Variants in NFKBIL1 observed in about 807,000 individuals in gnomAD.
NFKBIL1 encodes NFKB inhibitor like 1.
NFKBIL1 carries 30 observed loss-of-function variants against 45.4 expected under a neutral mutation model. The observed-to-expected ratio is 0.66, with a 90% confidence interval of 0.49 to 0.90. The LOEUF (loss-of-function observed/expected upper bound fraction) is 0.90. Among genes scored for constraint, NFKBIL1 ranks in the 40% least tolerant of loss-of-function variants. The pLI is 0.00. For synonymous variants in NFKBIL1, 179 were observed against 197.3 expected (o/e 0.91, Z 0.78); for missense variants, 434 against 513.4 (o/e 0.85, Z 1.49).
At chr6:31,554,793 A>AGT (rs1483009703) in intron 2 of NFKBIL1, among the ~76,000 whole-genome samples, 6 of 152,246 alleles carry the variant, frequency 3.9e-5, no homozygotes, top group African/African-American at 1.4e-4. Flanking sequence ...AAAGACTGTA[A>AGT]GATACTCATG....
upstream of NFKBIL1, chr6:31,546,896 G>C (rs201697905): frequency 1.2e-5 from 4 of 332,364 alleles, no homozygotes; most frequent in East Asian, 1.5e-4. The surrounding 1 kb of genome is among the most constrained non-coding windows in gnomAD (Gnocchi z 4.1). Context: ...CGGAGACGGG[G>C]GAGTACTGAG....
chr6:31,547,538 TCA>T (rs1769118575), upstream of NFKBIL1: 1 of 496,896 alleles, frequency 2.0e-6, no homozygotes, highest in Non-Finnish European at 3.5e-6. Flanking sequence ...GTAACGCCCC[TCA>T]CAGTTCACTT....
rs1467797530 is a variant in NFKBIL1 at position 31,547,737 on chromosome 6, A to G, written c.43A>G (p.Thr15Ala). The change falls in exon 1 of 4, where the codon ACA (threonine) becomes GCA (alanine). Residue 15 changes from threonine (T) to alanine (A), a missense_variant. Transcript: ENST00000376148. ...CCAGGTTCCAGAGGAAGAAGCCTCC[A>G]CATCTGTCTGCCGGGTACATGATAT... The part of the protein sequence containing the change: ...SPQVPEEEAS[T>A]SVCRPKSSMA... The G allele has an allele frequency of 1.9e-6, 3 of 1,611,852 alleles. No homozygotes were observed. The highest frequency in any genetic ancestry group is 1.1e-5 in the South Asian group (1 of 91,010).
chr6:31,549,907 T>C (rs1214517223), intron 2 of NFKBIL1, among the ~76,000 whole-genome samples: 7 of 152,020 alleles, frequency 4.6e-5, no homozygotes, highest in Admixed American at 3.3e-4. Flanking sequence ...GGTGATATTA[T>C]AATAGTGGTG....
At chr6:31,549,583 A>G (rs1372832952) in intron 2 of NFKBIL1, among the ~76,000 whole-genome samples, 2 of 149,974 alleles carry the variant, frequency 1.3e-5, no homozygotes, top group East Asian at 3.9e-4. Flanking sequence ...ACAGGTCCAT[A>G]CTCCCTTAAC....
At position 31,547,662 on chromosome 6, in the gene NFKBIL1, C is replaced by T. The variant is rs199911848; in HGVS notation, c.-33C>T. The T allele has an allele frequency of 6.4e-7, 1 of 1,555,302 alleles. No individual in the cohort carries two copies. Among genetic ancestry groups the T allele is most frequent in the Non-Finnish European group, 8.8e-7 (1 of 1,131,606 alleles). ...AAACACAGGCCTTGGGCCTACGGCTCTGGGGGTACTTGGGGGGGCGGGGGC... is the reference window on the plus strand; with the variant it reads ...AAACACAGGCCTTGGGCCTACGGCTTTGGGGGTACTTGGGGGGGCGGGGGC... On this transcript the variant is annotated 5_prime_UTR_variant, in exon 1 of 4. Transcript: ENST00000376148.
chr6:31,558,011 CTCCCA>C lies in NFKBIL1; in HGVS notation c.557-10_557-6del. The C allele has an allele frequency of 1.3e-6, 2 of 1,558,236 alleles. No homozygotes were observed. Among genetic ancestry groups the C allele is most frequent in the Non-Finnish European group, 1.8e-6 (2 of 1,140,910 alleles). ...TCTCTCCAACTACCCCCATCCCACC[CTCCCA>C]AACAGGTGATGCCTCCCATGAAACC... On this transcript the variant is annotated splice_region_variant and splice_polypyrimidine_tract_variant and intron_variant, in intron 3 of 3. Transcript: ENST00000376148. This position sits in a 1 kb window ranked among gnomAD's most constrained non-coding sequence, Gnocchi z 7.2.
chr6:31,554,811 A>G (rs987392333), intron 2 of NFKBIL1, among the ~76,000 whole-genome samples: 1 of 152,232 alleles, frequency 6.6e-6, no homozygotes, highest in Non-Finnish European at 1.5e-5. Context: ...ATGAGGCTGA[A>G]CATTTTTTGA....
chr6:31,556,230 C>T (rs948661057), intron 2 of NFKBIL1, among the ~76,000 whole-genome samples: 2 of 151,920 alleles, frequency 1.3e-5, no homozygotes, highest in African/African-American at 4.8e-5. Context: ...GAGAAGTGCC[C>T]CCCCCCACCA....
intron 2 of NFKBIL1, among the ~76,000 whole-genome samples, chr6:31,550,127 G>A (rs1304884166): frequency 1.3e-5 from 2 of 151,700 alleles, no homozygotes; most frequent in East Asian, 3.8e-4. Flanking sequence ...CTTGAACCCG[G>A]AAGACAGAGG....
intron 2 of NFKBIL1, among the ~76,000 whole-genome samples, chr6:31,555,235 C>CTTTTTTTTTTTT (rs9279346): frequency 1.8e-4 from 22 of 125,140 alleles, no homozygotes; most frequent in Non-Finnish European, 2.7e-4. Context: ...TATTTTTTTT[C>CTTTTTTTTTTTT]TTTTTTTTTT....
intron 2 of NFKBIL1, among the ~76,000 whole-genome samples, chr6:31,556,089 A>G (rs1769723191): frequency 6.6e-6 from 1 of 152,058 alleles, no homozygotes; most frequent in Non-Finnish European, 1.5e-5. Context: ...TAAACCTCCC[A>G]TGCAAGCCTG....
chr6:31,549,271 T>C (rs1228834781), intron 2 of NFKBIL1, among the ~76,000 whole-genome samples: 1 of 151,956 alleles, frequency 6.6e-6, no homozygotes. Context: ...TTTTGTTTTT[T>C]ATGAAGTTTC....
At position 31,558,118 on chromosome 6, in the gene NFKBIL1, G is replaced by C; in HGVS notation, c.653G>C (p.Arg218Pro). ...EHAQKCQQQQ[R>P]EAEGSRRPPR... ...GCCCAGAAGTGCCAGCAGCAGCAGC[G>C]AGAAGCAGAGGGATCCCGTCGACCC... The change falls in exon 4 of 4, where the codon CGA becomes CCA. Residue 218 changes from arginine to proline, a missense_variant. Physicochemically the swap from Arg to Pro is moderately radical, Grantham distance 103 (BLOSUM62 -2). Around this residue, in one of 4 missense-constraint regions of NFKBIL1, gnomAD observed 23 missense variants for 46.9 expected, o/e 0.49. Coordinates refer to ENST00000376148, the MANE Select transcript of NFKBIL1 (RefSeq NM_005007.4). The surrounding 1 kb of genome is among the most constrained non-coding windows in gnomAD (Gnocchi z 7.2). 1 of 1,612,286 alleles carries C rather than the reference G, an allele frequency of 6.2e-7. No homozygotes were observed. Among genetic ancestry groups the C allele is most frequent in the Non-Finnish European group, 8.5e-7 (1 of 1,179,826 alleles).
chr6:31,555,823 T>G (rs1225487527), intron 2 of NFKBIL1, among the ~76,000 whole-genome samples: 1 of 149,764 alleles, frequency 6.7e-6, no homozygotes, highest in Admixed American at 6.7e-5. Flanking sequence ...TATATTTTGT[T>G]TGTTTGTTTT....
rs528625422 is a variant in NFKBIL1 at position 31,553,134 on chromosome 6, C to T, written c.335-4494C>T. Among the ~76,000 whole-genome samples, 622 of 151,380 alleles carry T rather than the reference C, an allele frequency of 4.1e-3. 3 individuals carry two copies. The highest frequency in any genetic ancestry group is 0.013 in the African/African-American group (552 of 41,188). ...TCAGCTTGCTACAACCTCCGCCTCC[C>T]GGGTTCAAGCAATTCTCCTGCCTCA... is the stretch of plus-strand genomic sequence containing the variant. On this transcript the variant is annotated intron_variant, in intron 2 of 3. Coordinates refer to ENST00000376148, the MANE Select transcript of NFKBIL1 (RefSeq NM_005007.4).
intron 2 of NFKBIL1, among the ~76,000 whole-genome samples, chr6:31,552,628 C>T (rs1769491251): frequency 6.8e-6 from 1 of 146,594 alleles, no homozygotes; most frequent in Non-Finnish European, 1.5e-5. Flanking sequence ...GAAACTCCAG[C>T]GTATTAAAGA....
In NFKBIL1 at chr6:31,557,671, C is replaced by T. The variant is rs2230365; in HGVS notation, c.378C>T (p.Ser126=). ...FFLPLLSRCP[S]AMGIKNKDGE... Reference sequence around the variant, plus strand: ...TCCCGCTGCTAAGCCGCTGTCCCTCCGCCATGGGAATAAAGAATAAGGATG... The same window carrying T: ...TCCCGCTGCTAAGCCGCTGTCCCTCTGCCATGGGAATAAAGAATAAGGATG... Residue 126 remains serine, a synonymous_variant, in exon 3 of 4, where the codon TCC becomes TCT. Transcript: ENST00000376148. This position sits in a 1 kb window ranked among gnomAD's most constrained non-coding sequence, Gnocchi z 5.4. 0.15 allele frequency: 238,568 copies of T among 1,575,870 alleles called. 19,538 individuals are homozygous for T. The highest frequency in any genetic ancestry group is 0.25 in the East Asian group (10,750 of 43,718).
Position 31,547,614 on chromosome 6 carries a change from C to T in NFKBIL1, c.-81C>T. Reference sequence around the variant, plus strand: ...CAGCCTGGAGTGTCTCCGCCCTTCCCGCCTCCCGTCTCCGAGCTTCTTAAA... The same window carrying T: ...CAGCCTGGAGTGTCTCCGCCCTTCCTGCCTCCCGTCTCCGAGCTTCTTAAA... On this transcript the variant is annotated 5_prime_UTR_variant, in exon 1 of 4. Transcript: ENST00000376148. 3 of 985,346 alleles carry T rather than the reference C, an allele frequency of 3.0e-6. No individual in the cohort carries two copies. The highest frequency in any genetic ancestry group is 4.6e-6 in the Non-Finnish European group (3 of 659,046). The allele number at this position is 985,346 out of a possible 1,614,324, so 61.0% of individuals were successfully genotyped here.
Sources: gnomAD v4.1 joint callset for allele counts (sites outside exome capture counted in the v4.1 genomes callset) on GRCh38, gnomAD v4.1.1 for gene constraint, gnomAD v4.1.1 regional missense constraint, Gnocchi (gnomAD v3.1) non-coding constraint, MANE v1.5 for transcripts, NCBI Gene and HGNC (gene_info 2026-07-23, HGNC 2026-07-21) for gene names.